The following IGFBP7 variants were observed in gnomAD, a reference collection of about 807,000 sequenced individuals.
IGFBP7 encodes insulin like growth factor binding protein 7, also known as insulin-like growth factor-binding protein 7.
Under a neutral mutation model 29.4 loss-of-function variants are expected in IGFBP7, and 31 were observed. The observed-to-expected ratio is 1.05, with a 90% CI of 0.79 to 1.42. IGFBP7 has a LOEUF of 1.42. IGFBP7 is among the 40% of genes most tolerant of loss of function. IGFBP7 has a pLI of 0.00. For missense variants in IGFBP7, 393 were observed against 395.5 expected, an observed-to-expected ratio of 0.99 and a Z score of 0.05; for synonymous variants, 172 against 174.9, an observed-to-expected ratio of 0.98 and a Z score of 0.13.
intron 1 of IGFBP7, among the ~76,000 whole-genome samples, chr4:57,048,687 C>T (rs370099836): frequency 6.6e-6 from 1 of 152,134 alleles, no homozygotes; most frequent in Non-Finnish European, 1.5e-5. Flanking sequence ...ATAAAAAGCA[C>T]AGCAGGAACA....
chr4:57,067,650 T>G (rs1724951377), intron 1 of IGFBP7, among the ~76,000 whole-genome samples: 1 of 152,136 alleles, frequency 6.6e-6, no homozygotes, highest in Non-Finnish European at 1.5e-5. Context: ...CTTAAAACTT[T>G]GTGAAGAGGG....
At chr4:57,042,664 T>C (rs377505476) in intron 1 of IGFBP7, among the ~76,000 whole-genome samples, 3 of 152,170 alleles carry the variant, frequency 2.0e-5, no homozygotes, top group African/African-American at 7.2e-5. Context: ...TTCAAATGGT[T>C]GAAAAAAAAT....
At chr4:57,033,968 T>C (rs988190215) in intron 2 of IGFBP7, among the ~76,000 whole-genome samples, 1 of 146,284 alleles carries the variant, frequency 6.8e-6, no homozygotes, top group African/African-American at 2.5e-5. Flanking sequence ...GGAGAATTGC[T>C]TGAACCTGGA....
chr4:57,073,192 C>G (rs1031013948), intron 1 of IGFBP7: 1 of 1,246,642 alleles, frequency 8.0e-7, no homozygotes, highest in African/African-American at 1.5e-5. Context: ...ATGGTCTGTC[C>G]TTTCTGTGAT....
chr4:57,109,766 G>T lies in IGFBP7; in HGVS notation c.475+111C>A, dbSNP rs1165380039. ...CCCATCTGGCTCCTGGGATGCCCGCGGGGGAATCGCAGTGAGCAGCGCGGG... is the reference window on the plus strand; with the variant it reads ...CCCATCTGGCTCCTGGGATGCCCGCTGGGGAATCGCAGTGAGCAGCGCGGG... On this transcript the variant is annotated intron_variant, in intron 1 of 4. Coordinates refer to ENST00000295666, the MANE Select transcript of IGFBP7 (RefSeq NM_001553.3). The T allele has an allele frequency of 3.9e-6, 5 of 1,296,532 alleles. No individual in the cohort carries two copies. The African/African-American group carries it at 7.8e-5, about 20-fold the overall frequency. 80.3% of individuals were successfully genotyped at this position (1,296,532 alleles called of 1,614,324 possible).
chr4:57,040,765 T>G, intron 2 of IGFBP7, 59 bp downstream of exon 2: 1 of 1,166,322 alleles, frequency 8.6e-7, no homozygotes, highest in South Asian at 1.2e-5. Flanking sequence ...TTACCATCCT[T>G]GTGCAGTGCA....
chr4:57,099,170 C>A (rs981492899), intron 1 of IGFBP7, among the ~76,000 whole-genome samples: 1 of 152,152 alleles, frequency 6.6e-6, no homozygotes, highest in Admixed American at 6.5e-5. Flanking sequence ...AAAAGACAAA[C>A]CTCTGTAGAA....
intron 1 of IGFBP7, among the ~76,000 whole-genome samples, chr4:57,084,788 G>GAAT (rs71657252): frequency 8.8e-6 from 1 of 113,104 alleles, no homozygotes; most frequent in Non-Finnish European, 1.7e-5. Context: ...TTTAAAAAAG[G>GAAT]TTTTTTTTTT....
intron 1 of IGFBP7, among the ~76,000 whole-genome samples, chr4:57,074,244 G>T (rs1458014128): frequency 6.6e-6 from 1 of 152,100 alleles, no homozygotes; most frequent in East Asian, 1.9e-4. Flanking sequence ...TATTTTTAGT[G>T]GAGACGGGGT....
At chr4:57,091,672 T>C (rs1025710745) in intron 1 of IGFBP7, among the ~76,000 whole-genome samples, 2 of 152,242 alleles carry the variant, frequency 1.3e-5, no homozygotes, top group Admixed American at 6.5e-5. Flanking sequence ...GAAAATCACA[T>C]GCAGCTTTTC....
chr4:57,105,112 C>A (rs1216901131), intron 1 of IGFBP7, among the ~76,000 whole-genome samples: 1 of 152,156 alleles, frequency 6.6e-6, no homozygotes, highest in Non-Finnish European at 1.5e-5. Flanking sequence ...CTATAGTAGC[C>A]AACTTGTTCT....
chr4:57,071,208 G>A (rs1725045580), intron 1 of IGFBP7, among the ~76,000 whole-genome samples: 1 of 152,194 alleles, frequency 6.6e-6, no homozygotes, highest in East Asian at 1.9e-4. Flanking sequence ...ATATATTGGG[G>A]GGGAATGAAA....
chr4:57,074,863 C>T (rs950565725), intron 1 of IGFBP7, among the ~76,000 whole-genome samples: 4 of 152,246 alleles, frequency 2.6e-5, no homozygotes, highest in Admixed American at 2.6e-4. Flanking sequence ...ATAGCATTAT[C>T]TGCTTTGAAT....
chr4:57,052,589 C>T (rs187044645), intron 1 of IGFBP7, among the ~76,000 whole-genome samples: 2 of 152,288 alleles, frequency 1.3e-5, no homozygotes, highest in East Asian at 3.9e-4. Flanking sequence ...GACCACCTGG[C>T]CCGTCCCCAC....
chr4:57,056,375 G>C (rs10031585), intron 1 of IGFBP7, among the ~76,000 whole-genome samples: 96,076 of 151,962 alleles, frequency 0.63, 30,771 homozygotes, highest in East Asian at 0.9. Context: ...AGTTCTTCTC[G>C]TGTGTGTGTC....
intron 1 of IGFBP7, among the ~76,000 whole-genome samples, chr4:57,046,658 G>A (rs1427242717): frequency 1.3e-5 from 2 of 152,142 alleles, no homozygotes; most frequent in African/African-American, 4.8e-5. Flanking sequence ...CCTTGCCCTT[G>A]TTCCATTAAG....
chr4:57,076,836 GT>G (rs1340513305), intron 1 of IGFBP7, among the ~76,000 whole-genome samples: 3 of 152,330 alleles, frequency 2.0e-5, no homozygotes, highest in African/African-American at 4.8e-5. Flanking sequence ...ACGAAGGTCT[GT>G]CAGCAGTAAA....
chr4:57,070,986 A>T (rs1725038627), intron 1 of IGFBP7, among the ~76,000 whole-genome samples: 1 of 152,230 alleles, frequency 6.6e-6, no homozygotes, highest in South Asian at 2.1e-4. Flanking sequence ...CCCTGCACCT[A>T]TTCATTGCAC....
chr4:57,090,882 A>T (rs560680922), intron 1 of IGFBP7, among the ~76,000 whole-genome samples: 1 of 152,296 alleles, frequency 6.6e-6, no homozygotes, highest in African/African-American at 2.4e-5. Context: ...TGAGAGCAAC[A>T]GTTTATTTGA....
Sources: allele counts gnomAD v4.1 joint callset (sites outside exome capture counted in the v4.1 genomes callset), GRCh38; gene constraint gnomAD v4.1.1; transcripts MANE v1.5; gene names NCBI Gene and HGNC (gene_info 2026-07-23, HGNC 2026-07-21).